PXYLP1: variants seen among roughly 807,000 people sequenced by gnomAD.
PXYLP1 encodes the protein acid phosphatase-like 2.
PXYLP1 carries 17 observed loss-of-function variants against 37.9 expected under a neutral mutation model. The ratio of observed to expected loss-of-function variants is 0.45; its 90% CI spans 0.31 to 0.67. The LOEUF (loss-of-function observed/expected upper bound fraction) is 0.67. PXYLP1 is among the 30% of genes least tolerant of loss of function. The probability of loss-of-function intolerance (pLI) is 0.07; values close to 1 mark genes in which losing one functional copy is unlikely to be tolerated. For synonymous variants in PXYLP1, 221 were observed against 232.2 expected (o/e 0.95, Z 0.44); for missense variants, 511 against 612.0 (o/e 0.84, Z 1.74).
intron 2 of PXYLP1, among the ~76,000 whole-genome samples, chr3:141,268,168 G>GGAGAGAGAGAGA (rs142785821): frequency 3.9e-5 from 5 of 129,598 alleles, no homozygotes; most frequent in Non-Finnish European, 8.0e-5. Flanking sequence ...GGTGGGTGGG[G>GGAGAGAGAGAGA]GAGAGAGAGA....
intron 2 of PXYLP1, chr3:141,262,506 G>T: frequency 1.3e-6 from 1 of 751,768 alleles, no homozygotes; most frequent in Non-Finnish European, 1.9e-6. Flanking sequence ...TCTCTTGCAT[G>T]AGCTGGTTTC....
chr3:141,293,280 G>T lies in PXYLP1; in HGVS notation c.*75G>T, dbSNP rs908854356. On this transcript the variant is annotated 3_prime_UTR_variant, in exon 6 of 6. Transcript: ENST00000286353. ...GAAAGGTCCACTTCTAGTTTTGTCT[G>T]TTACTAAGGGTAGAAGATTATTGCT... The T allele has an allele frequency of 5.8e-6, 8 of 1,370,322 alleles. No individual in the cohort carries two copies. The highest frequency in any genetic ancestry group is 2.0e-4 in the Middle Eastern group (1 of 5,108). The allele number at this position is 1,370,322 out of a possible 1,614,324, so 84.9% of individuals were successfully genotyped here.
Position 141,292,256 on chromosome 3 carries a change from C to T in PXYLP1, c.506-12C>T, listed in dbSNP as rs1364471898. The T allele has an allele frequency of 1.9e-6, 3 of 1,570,086 alleles. No homozygotes were observed. The Admixed American group carries it at 5.6e-5, about 29-fold the overall frequency. On this transcript the variant is annotated splice_polypyrimidine_tract_variant and intron_variant, in intron 5 of 5. Transcript: ENST00000286353. This position sits in a 1 kb window ranked among gnomAD's most constrained non-coding sequence, Gnocchi z 4.3. Reference sequence around the variant, plus strand: ...CTGGAAGTAAGGTAAGCTTTGTGTGCTTGTGTTTCAGGAGTTGTGCAGCAT... The same window carrying T: ...CTGGAAGTAAGGTAAGCTTTGTGTGTTTGTGTTTCAGGAGTTGTGCAGCAT...
At chr3:141,255,682 A>G (rs777502313) in intron 1 of PXYLP1, among the ~76,000 whole-genome samples, 12 of 152,220 alleles carry the variant, frequency 7.9e-5, no homozygotes, top group Non-Finnish European at 1.3e-4. Context: ...CCCCAGGGGT[A>G]GGCGCAGAGC....
intron 1 of PXYLP1, among the ~76,000 whole-genome samples, chr3:141,241,819 G>T (rs1940808432): frequency 6.6e-6 from 1 of 152,182 alleles, no homozygotes; most frequent in Non-Finnish European, 1.5e-5. Flanking sequence ...GGAGGGCTTG[G>T]CTGCTGTCCC....
chr3:141,271,985 T>C (rs1941675681), intron 2 of PXYLP1, among the ~76,000 whole-genome samples: 1 of 152,216 alleles, frequency 6.6e-6, no homozygotes, highest in South Asian at 2.1e-4. Flanking sequence ...GGGCCCTTCA[T>C]TGTGCTCCAT....
chr3:141,252,066 A>G (rs965961336), intron 1 of PXYLP1, among the ~76,000 whole-genome samples: 1 of 152,204 alleles, frequency 6.6e-6, no homozygotes, highest in African/African-American at 2.4e-5. Context: ...ACTGTGGCTC[A>G]TTATCACGTA....
intron 1 of PXYLP1, among the ~76,000 whole-genome samples, chr3:141,239,205 G>A (rs1175164359): frequency 6.6e-6 from 1 of 152,158 alleles, no homozygotes; most frequent in Non-Finnish European, 1.5e-5. Flanking sequence ...CAGGTGCTCT[G>A]ACTTCTCTGG....
At chr3:141,274,543 C>A in intron 2 of PXYLP1, 1 of 1,295,406 alleles carries the variant, frequency 7.7e-7, no homozygotes, top group Non-Finnish European at 1.1e-6. Context: ...ACTGGTTCGG[C>A]AACCCTCAGT....
chr3:141,264,551 C>T (rs948720991), intron 2 of PXYLP1, among the ~76,000 whole-genome samples: 9 of 152,180 alleles, frequency 5.9e-5, no homozygotes, highest in Admixed American at 4.6e-4. Flanking sequence ...TGTTAGGCCC[C>T]GGGCTGAGAG....
chr3:141,239,302 AC>A (rs1361130457), intron 1 of PXYLP1, among the ~76,000 whole-genome samples: 2 of 152,166 alleles, frequency 1.3e-5, no homozygotes, highest in Non-Finnish European at 2.9e-5. Context: ...GGAAACACAG[AC>A]CTGAAAAATC....
chr3:141,278,102 A>C (rs1487136500), intron 2 of PXYLP1, among the ~76,000 whole-genome samples: 1 of 152,146 alleles, frequency 6.6e-6, no homozygotes, highest in African/African-American at 2.4e-5. Context: ...TTTGCTTGGG[A>C]GGCTCCCCTG....
intron 4 of PXYLP1, among the ~76,000 whole-genome samples, chr3:141,285,139 T>C (rs1436226310): frequency 1.2e-5 from 1 of 86,162 alleles, no homozygotes; most frequent in Non-Finnish European, 2.2e-5. Context: ...TTTCTTTTTC[T>C]TTTTCTTTTT....
chr3:141,239,768 G>A (rs1036737045), intron 1 of PXYLP1, among the ~76,000 whole-genome samples: 2 of 152,200 alleles, frequency 1.3e-5, no homozygotes, highest in Non-Finnish European at 1.5e-5. Flanking sequence ...ACACTCTCCT[G>A]GGACATCATC....
At chr3:141,243,994 A>C in intron 1 of PXYLP1, among the ~76,000 whole-genome samples, 1 of 152,254 alleles carries the variant, frequency 6.6e-6, no homozygotes, top group East Asian at 1.9e-4. Context: ...AAATGCAGAA[A>C]TATATGCGAG....
At chr3:141,236,375 A>G (rs1389381641) in intron 1 of PXYLP1, 1 of 152,206 alleles carries the variant, frequency 6.6e-6, no homozygotes, top group Non-Finnish European at 1.5e-5. Flanking sequence ...ATTAAAAAGC[A>G]TATTAAGATG....
At chr3:141,281,538 A>G (rs1037154187) in intron 4 of PXYLP1, among the ~76,000 whole-genome samples, 2 of 152,222 alleles carry the variant, frequency 1.3e-5, no homozygotes, top group African/African-American at 4.8e-5. Context: ...TGGTGGCAGC[A>G]TTAGAGAAAG....
At chr3:141,247,062 G>A (rs1211460786) in intron 1 of PXYLP1, among the ~76,000 whole-genome samples, 2 of 152,264 alleles carry the variant, frequency 1.3e-5, no homozygotes, top group Admixed American at 1.3e-4. Context: ...AGCTCCAAGA[G>A]TAACAGGTTT....
chr3:141,285,974 A>G (rs142526316), intron 4 of PXYLP1, among the ~76,000 whole-genome samples: 1 of 151,974 alleles, frequency 6.6e-6, no homozygotes, highest in Admixed American at 6.6e-5. Flanking sequence ...TTTTAGCTTT[A>G]TGTTGTTGAT....
Sources: gnomAD v4.1 joint callset for allele counts (sites outside exome capture counted in the v4.1 genomes callset) on GRCh38, gnomAD v4.1.1 for gene constraint, Gnocchi (gnomAD v3.1) non-coding constraint, MANE v1.5 for transcripts, NCBI Gene and HGNC (gene_info 2026-07-23, HGNC 2026-07-21) for gene names.